ANKRD31: variants seen among roughly 807,000 people sequenced by gnomAD.
ANKRD31 encodes ankyrin repeat domain-containing protein 31.
A neutral mutation model predicts 186.0 loss-of-function variants in ANKRD31; 147 were observed. The observed-to-expected ratio is 0.79, with a 90% CI of 0.69 to 0.91. ANKRD31 has a LOEUF of 0.91. ANKRD31 is among the 40% of genes least tolerant of loss of function. The pLI is 0.00. For missense variants in ANKRD31, 1,986 were observed against 2,148.8 expected, an observed-to-expected ratio of 0.92 and a Z score of 1.50; for synonymous variants, 673 against 736.4, an observed-to-expected ratio of 0.91 and a Z score of 1.39.
In ANKRD31 at chr5:75,203,647, A is replaced by G. The variant is rs192895519; in HGVS notation, c.403+2764T>C. 5.8e-3 allele frequency among the ~76,000 whole-genome samples: 836 copies of G among 144,336 alleles called. 24 individuals carry two copies. The highest frequency in any genetic ancestry group is 0.045 in the Admixed American group (654 of 14,408). The allele number at this position is 144,336 out of a possible 152,430, so 94.7% of individuals were successfully genotyped here. On this transcript the variant is annotated intron_variant, in intron 5 of 25. Coordinates refer to ENST00000506364, the MANE Select transcript of ANKRD31 (RefSeq NM_001372053.1). The stretch of plus-strand genomic sequence containing the variant: ...CACTGCACTCCAGCCTGGGCGAAAG[A>G]GAGAGGATCCATCTCAAAAAAAAAA...
At chr5:75,168,411 T>C (rs1212906177) in intron 11 of ANKRD31, among the ~76,000 whole-genome samples, 1 of 152,180 alleles carries the variant, frequency 6.6e-6, no homozygotes, top group Non-Finnish European at 1.5e-5. Flanking sequence ...TAAGCTAAAA[T>C]AAATATGGTT....
chr5:75,224,129 T>TTATATATA (rs148986776), intron 2 of ANKRD31, among the ~76,000 whole-genome samples: 121 of 105,722 alleles, frequency 1.1e-3, no homozygotes, highest in African/African-American at 1.9e-3. Flanking sequence ...TCAGAAATAA[T>TTATATATA]TATATATATA....
intron 25 of ANKRD31, among the ~76,000 whole-genome samples, chr5:75,076,789 C>G (rs1419213169): frequency 6.6e-6 from 1 of 152,128 alleles, no homozygotes; most frequent in Non-Finnish European, 1.5e-5. Flanking sequence ...CTATATCACT[C>G]TTATCACTTG....
At position 75,147,300 on chromosome 5, in the gene ANKRD31, A is replaced by G. The variant is rs1178457526; in HGVS notation, c.2111T>C (p.Ile704Thr). 16 of 1,535,210 alleles carry G rather than the reference A, an allele frequency of 1.0e-5. 1 individual carries two copies. The highest frequency in any genetic ancestry group is 2.4e-5 in the South Asian group (2 of 83,854). The part of the protein sequence containing the change: ...SKHKQSTLDQ[I>T]YSTGLRKGNL... Reference sequence around the variant, plus strand: ...GCCCTTTCTGAGTCCTGTAGAGTATATCTGGTCAAGAGTTGATTGTTTATG... The same window carrying G: ...GCCCTTTCTGAGTCCTGTAGAGTATGTCTGGTCAAGAGTTGATTGTTTATG... Residue 704 changes from isoleucine to threonine, a missense_variant, in exon 14 of 26, where the codon ATA (isoleucine) becomes ACA (threonine). Ile to Thr is a moderately conservative substitution (Grantham distance 89). Transcript: ENST00000506364.
chr5:75,114,464 T>C (rs942496196), intron 19 of ANKRD31, among the ~76,000 whole-genome samples: 2 of 152,188 alleles, frequency 1.3e-5, no homozygotes, highest in African/African-American at 4.8e-5. Context: ...CACCATCTTA[T>C]CTTTTATAAT....
intron 11 of ANKRD31, among the ~76,000 whole-genome samples, chr5:75,161,254 T>C (rs763506669): frequency 3.9e-5 from 6 of 152,156 alleles, no homozygotes; most frequent in Non-Finnish European, 8.8e-5. Context: ...GCTGAAGTGG[T>C]CTCAGATGGA....
intron 23 of ANKRD31, among the ~76,000 whole-genome samples, chr5:75,088,611 G>A (rs946542549): frequency 1.3e-5 from 2 of 152,180 alleles, no homozygotes; most frequent in African/African-American, 4.8e-5. Flanking sequence ...TGAGTTCAGA[G>A]CAACCTGTTT....
intron 3 of ANKRD31, among the ~76,000 whole-genome samples, chr5:75,211,811 C>G (rs1756668357): frequency 6.6e-6 from 1 of 151,710 alleles, no homozygotes; most frequent in African/African-American, 2.4e-5. Flanking sequence ...TCTATTTGAG[C>G]CCTTTACTCA....
intron 22 of ANKRD31, among the ~76,000 whole-genome samples, chr5:75,102,242 G>A (rs1746953626): frequency 2.0e-5 from 3 of 152,238 alleles, no homozygotes; most frequent in South Asian, 4.1e-4. Flanking sequence ...AGGCTGCAGA[G>A]CAGCCAATAC....
intron 12 of ANKRD31, among the ~76,000 whole-genome samples, chr5:75,150,441 TTAAG>T (rs1751764265): frequency 6.6e-6 from 1 of 152,004 alleles, no homozygotes. Flanking sequence ...TATTCTTTAC[TTAAG>T]TAACCTAATT....
At chr5:75,114,875 A>G (rs1297125749) in intron 19 of ANKRD31, among the ~76,000 whole-genome samples, 1 of 152,088 alleles carries the variant, frequency 6.6e-6, no homozygotes, top group East Asian at 1.9e-4. Flanking sequence ...TCAAGCTACC[A>G]ATGACTTTCT....
At chr5:75,179,008 G>A (rs1296469207) in intron 10 of ANKRD31, among the ~76,000 whole-genome samples, 1 of 152,098 alleles carries the variant, frequency 6.6e-6, no homozygotes, top group Admixed American at 6.6e-5. Flanking sequence ...AAGAAGAAAA[G>A]AGAGAAGAAT....
chr5:75,072,697 G>A (rs775563101), intron 25 of ANKRD31, among the ~76,000 whole-genome samples: 1 of 152,108 alleles, frequency 6.6e-6, no homozygotes, highest in South Asian at 2.1e-4. Flanking sequence ...TCTACCTTGG[G>A]GCTTTCTCTT....
intron 10 of ANKRD31, among the ~76,000 whole-genome samples, chr5:75,184,144 C>T (rs912787556): frequency 2.0e-5 from 3 of 151,990 alleles, no homozygotes; most frequent in Non-Finnish European, 4.4e-5. Context: ...AAAATACACA[C>T]TGGGGAAAAA....
intron 17 of ANKRD31, among the ~76,000 whole-genome samples, chr5:75,132,485 T>A (rs1328282990): frequency 2.0e-5 from 3 of 151,898 alleles, no homozygotes; most frequent in African/African-American, 4.8e-5. Flanking sequence ...TAAAAAGAAA[T>A]GAACAAAGCC....
At chr5:75,179,461 T>C (rs1430032896) in intron 10 of ANKRD31, among the ~76,000 whole-genome samples, 4 of 152,204 alleles carry the variant, frequency 2.6e-5, no homozygotes, top group Non-Finnish European at 5.9e-5. Flanking sequence ...ATATCCTTGA[T>C]GAACATTGAT....
At chr5:75,086,886 C>T (rs775556646) in intron 23 of ANKRD31, among the ~76,000 whole-genome samples, 13 of 151,114 alleles carry the variant, frequency 8.6e-5, no homozygotes, top group East Asian at 1.9e-4. Context: ...CACGTGTGCA[C>T]GCATGTGCAT....
chr5:75,109,767 C>G (rs1747617395), intron 20 of ANKRD31, among the ~76,000 whole-genome samples: 1 of 152,082 alleles, frequency 6.6e-6, no homozygotes, highest in Non-Finnish European at 1.5e-5. Flanking sequence ...GAAGCCTGCC[C>G]TGTGACCCTG....
intron 17 of ANKRD31, among the ~76,000 whole-genome samples, chr5:75,120,900 A>G (rs115420593): frequency 0.026 from 3,972 of 152,214 alleles, 158 homozygotes; most frequent in African/African-American, 0.09. Context: ...CATAGACAAA[A>G]GATAAAGGGT....
Sources: gnomAD v4.1 joint callset for allele counts (sites outside exome capture counted in the v4.1 genomes callset) on GRCh38, gnomAD v4.1.1 for gene constraint, MANE v1.5 for transcripts, NCBI Gene and HGNC (gene_info 2026-07-23, HGNC 2026-07-21) for gene names.